PRDM6: variants seen among roughly 807,000 people sequenced by gnomAD.
The protein encoded by PRDM6 is PR/SET domain 6, also known as putative histone-lysine N-methyltransferase PRDM6.
PRDM6 carries 25 observed loss-of-function variants against 60.8 expected under a neutral mutation model. The ratio of observed to expected loss-of-function variants is 0.41; its 90% CI spans 0.30 to 0.57. PRDM6 has a LOEUF of 0.57. PRDM6 is among the 20% of genes least tolerant of loss of function. PRDM6 has a pLI of 0.27. For missense variants in PRDM6, 839 were observed against 821.3 expected (o/e 1.02, Z -0.26); for synonymous variants, 407 against 357.4 (o/e 1.14, Z -1.57).
At chr5:123,137,784 A>G (rs927227011) in intron 3 of PRDM6, among the ~76,000 whole-genome samples, 9 of 70,438 alleles carry the variant, frequency 1.3e-4, no homozygotes, top group Non-Finnish European at 2.0e-4. Context: ...AATTTAAAGT[A>G]TAATAAAAAT....
intron 3 of PRDM6, among the ~76,000 whole-genome samples, chr5:123,116,102 T>G (rs1417127526): frequency 5.9e-5 from 9 of 152,138 alleles, no homozygotes; most frequent in Non-Finnish European, 2.9e-5. Context: ...TGCTGCCTGG[T>G]GTGAGTGAGA....
At chr5:123,139,072 T>G (rs538633801) in intron 3 of PRDM6, among the ~76,000 whole-genome samples, 1 of 152,288 alleles carries the variant, frequency 6.6e-6, no homozygotes, top group South Asian at 2.1e-4. Context: ...TGCCTCCTTG[T>G]GAAAAAAGTA....
Position 123,128,832 on chromosome 5 carries a change from G to A in PRDM6, c.901-27052G>A, listed in dbSNP as rs558365781. Among the ~76,000 whole-genome samples the A allele has an allele frequency of 4.6e-5, 7 of 152,298 alleles. No individual in the cohort carries two copies. In the South Asian group the frequency reaches 1.5e-3, roughly 32 times the overall value. ...TTGCTTTTGGTGTTTTAGTCATGAA[G>A]TCCTTGCCCATGCCTATGTCCTGAA... is the stretch of plus-strand genomic sequence containing the variant. On this transcript the variant is annotated intron_variant, in intron 3 of 7. Transcript: ENST00000407847.
At chr5:123,091,854 C>A (rs1014265313) in intron 2 of PRDM6, among the ~76,000 whole-genome samples, 1 of 151,960 alleles carries the variant, frequency 6.6e-6, no homozygotes, top group Non-Finnish European at 1.5e-5. Context: ...AAATGTCTAC[C>A]GCTCTGTGAA....
At chr5:123,132,488 G>C (rs1466365696) in intron 3 of PRDM6, among the ~76,000 whole-genome samples, 1 of 151,916 alleles carries the variant, frequency 6.6e-6, no homozygotes, top group Non-Finnish European at 1.5e-5. Context: ...CTTTCTAATG[G>C]GTTTCCTTGT....
In PRDM6 at chr5:123,190,450, G is replaced by C. The variant is rs182934955; in HGVS notation, c.*3249G>C. ...CTTTAAAAATGACTTTTTTGGAGGAGATATACTTCTAAAAAGTTATTGTAT... is the reference window on the plus strand; with the variant it reads ...CTTTAAAAATGACTTTTTTGGAGGACATATACTTCTAAAAAGTTATTGTAT... On this transcript the variant is annotated 3_prime_UTR_variant, in exon 8 of 8. Coordinates refer to ENST00000407847, the MANE Select transcript of PRDM6 (RefSeq NM_001136239.4). 1 of 152,256 alleles carries C rather than the reference G, an allele frequency of 6.6e-6. No homozygotes were observed. The highest frequency in any genetic ancestry group is 1.5e-5 in the Non-Finnish European group (1 of 68,030). 9.4% of individuals were successfully genotyped at this position (152,256 alleles called of 1,614,324 possible). A position where few individuals can be genotyped will look rare whatever the true frequency, so the allele number is the denominator to read the frequency against.
At position 123,129,495 on chromosome 5, in the gene PRDM6, G is replaced by A. The variant is rs546064259; in HGVS notation, c.901-26389G>A. On this transcript the variant is annotated intron_variant, in intron 3 of 7. Transcript: ENST00000407847. ...TCTGAGGGATTTCTTATAGAGCAGGGTAAGAAGAAAAGGGAGGAGTGATAT... is the reference window on the plus strand; with the variant it reads ...TCTGAGGGATTTCTTATAGAGCAGGATAAGAAGAAAAGGGAGGAGTGATAT... Among the ~76,000 whole-genome samples, 5 of 152,212 alleles carry A rather than the reference G, an allele frequency of 3.3e-5. No individual in the cohort carries two copies. The South Asian group carries it at 1.0e-3, about 32-fold the overall frequency.
chr5:123,170,216 C>T (rs1461846033), intron 5 of PRDM6, among the ~76,000 whole-genome samples: 2 of 152,174 alleles, frequency 1.3e-5, no homozygotes, highest in African/African-American at 4.8e-5. Flanking sequence ...CTCCTGCCTC[C>T]TCCCACCTGC....
At chr5:123,120,711 T>C (rs1172513753) in intron 3 of PRDM6, among the ~76,000 whole-genome samples, 5 of 152,232 alleles carry the variant, frequency 3.3e-5, no homozygotes, top group East Asian at 1.9e-4. Context: ...CCTAGTGTAA[T>C]TTGTATTCTT....
In PRDM6 at chr5:123,193,783, T is replaced by C. The variant is rs1009035675; in HGVS notation, c.*6582T>C. 2.6e-5 allele frequency: 4 copies of C among 152,200 alleles called. No homozygotes were observed. The highest frequency in any genetic ancestry group is 5.9e-5 in the Non-Finnish European group (4 of 68,032). 9.4% of individuals were successfully genotyped at this position (152,200 alleles called of 1,614,324 possible). ...GTGATATTTAGATGCTATTAGGACATTGTATACATTTCTTTAATGTGGTTA... is the reference window on the plus strand; with the variant it reads ...GTGATATTTAGATGCTATTAGGACACTGTATACATTTCTTTAATGTGGTTA... On this transcript the variant is annotated 3_prime_UTR_variant, in exon 8 of 8. Transcript: ENST00000407847.
chr5:123,181,152 T>TA, intron 7 of PRDM6, among the ~76,000 whole-genome samples: 1 of 152,386 alleles, frequency 6.6e-6, no homozygotes, highest in Non-Finnish European at 1.5e-5. Flanking sequence ...ATTTACCAAG[T>TA]ATGTACTTTT....
intron 3 of PRDM6, among the ~76,000 whole-genome samples, chr5:123,103,027 T>C (rs1024099031): frequency 1.3e-5 from 2 of 152,104 alleles, no homozygotes; most frequent in Non-Finnish European, 2.9e-5. Context: ...ACATCAGCCA[T>C]GGAGAGCTTG....
intron 6 of PRDM6, among the ~76,000 whole-genome samples, chr5:123,175,146 G>T (rs1294475411): frequency 2.0e-5 from 3 of 152,140 alleles, no homozygotes; most frequent in Non-Finnish European, 4.4e-5. Context: ...TCCAGAAAGG[G>T]GTAAGCAAAG....
At chr5:123,093,081 G>A (rs890544993) in intron 2 of PRDM6, among the ~76,000 whole-genome samples, 1 of 152,046 alleles carries the variant, frequency 6.6e-6, no homozygotes, top group Non-Finnish European at 1.5e-5. Context: ...GGAGGCAGAG[G>A]GAAGCTCCTA....
intron 3 of PRDM6, among the ~76,000 whole-genome samples, chr5:123,146,823 G>C (rs530163737): frequency 6.6e-6 from 1 of 152,116 alleles, no homozygotes; most frequent in Non-Finnish European, 1.5e-5. Flanking sequence ...TGGAAACTGT[G>C]GTGCTTACTC....
intron 6 of PRDM6, among the ~76,000 whole-genome samples, chr5:123,173,763 A>C (rs1765948452): frequency 6.6e-6 from 1 of 152,198 alleles, no homozygotes; most frequent in African/African-American, 2.4e-5. Context: ...ATATCCAGTC[A>C]CTTGGACCCC....
chr5:123,104,850 TTG>T (rs1764171030), intron 3 of PRDM6, among the ~76,000 whole-genome samples: 1 of 152,266 alleles, frequency 6.6e-6, no homozygotes, highest in African/African-American at 2.4e-5. Flanking sequence ...GTTTCCAGCA[TTG>T]TGTTAAAAGT....
intron 3 of PRDM6, among the ~76,000 whole-genome samples, chr5:123,117,832 G>T (rs990942198): frequency 6.6e-6 from 1 of 152,224 alleles, no homozygotes; most frequent in African/African-American, 2.4e-5. Flanking sequence ...AGAAATTGTG[G>T]ATTATGTAAA....
intron 3 of PRDM6, among the ~76,000 whole-genome samples, chr5:123,145,760 G>A (rs534376623): frequency 3.3e-5 from 5 of 152,098 alleles, no homozygotes; most frequent in African/African-American, 7.2e-5. Context: ...CTTGACAGAC[G>A]GCCACTTTTC....
Sources: allele counts gnomAD v4.1 joint callset (sites outside exome capture counted in the v4.1 genomes callset), GRCh38; gene constraint gnomAD v4.1.1; transcripts MANE v1.5; gene names NCBI Gene and HGNC (gene_info 2026-07-23, HGNC 2026-07-21).